ANKH: variants seen among roughly 807,000 people sequenced by gnomAD.
ANKH encodes the protein mineralization regulator ANKH.
In ANKH, 15 loss-of-function variants were observed where a neutral mutation model predicts 49.0. The observed-to-expected ratio is 0.31, with a 90% CI of 0.20 to 0.47. The LOEUF (loss-of-function observed/expected upper bound fraction) is 0.47. ANKH is among the 20% of genes least tolerant of loss of function. ANKH has a pLI of 1.00. For missense variants in ANKH, 429 were observed against 652.0 expected (o/e 0.66, Z 3.72); for synonymous variants, 273 against 260.0 (o/e 1.05, Z -0.48).
intron 1 of ANKH, chr5:14,868,439 AGGCT>A (rs1251208544): frequency 6.9e-6 from 1 of 145,482 alleles, no homozygotes; most frequent in Non-Finnish European, 1.5e-5. Context: ...TCTGTCGCCC[AGGCT>A]GGAGGGTGCA....
intron 2 of ANKH, 27 bp from the exon 3 acceptor site, chr5:14,758,625 G>C: frequency 1.4e-6 from 2 of 1,384,434 alleles, no homozygotes; most frequent in East Asian, 4.6e-5. Context: ...GGCATATGTG[G>C]AAATATTTAG....
intron 1 of ANKH, among the ~76,000 whole-genome samples, chr5:14,811,560 C>T (rs1257588340): frequency 6.6e-6 from 1 of 152,208 alleles, no homozygotes; most frequent in Non-Finnish European, 1.5e-5. Flanking sequence ...TCCCCAAGTA[C>T]AAACAACCTT....
rs1459117384 is a variant in ANKH at position 14,737,115 on chromosome 5, C to A, written c.1011+4712G>T. On this transcript the variant is annotated intron_variant, in intron 8 of 11. Transcript: ENST00000284268. The surrounding 1 kb of genome is among the most constrained non-coding windows in gnomAD (Gnocchi z 5.0). ...GACTTCAGAAACAGTTTTAAAAAGT[C>A]ATGTTTTGGGTAAATTGGCAAATTT... Among the ~76,000 whole-genome samples, 4 of 152,178 alleles carry A rather than the reference C, an allele frequency of 2.6e-5. No individual in the cohort carries two copies. Among genetic ancestry groups the A allele is most frequent in the African/African-American group, 9.7e-5 (4 of 41,444 alleles).
intron 1 of ANKH, among the ~76,000 whole-genome samples, chr5:14,849,687 C>T (rs997383209): frequency 1.3e-5 from 2 of 152,314 alleles, no homozygotes; most frequent in Admixed American, 6.5e-5. Context: ...AGTCTTCTCA[C>T]GAATGTTGCT....
chr5:14,763,007 C>T (rs1739140239), intron 2 of ANKH, among the ~76,000 whole-genome samples: 4 of 152,234 alleles, frequency 2.6e-5, no homozygotes, highest in Admixed American at 2.6e-4. Flanking sequence ...CCCTCCTAAA[C>T]AAGGGACACA....
Position 14,706,031 on chromosome 5 carries a change from A to G in ANKH, c.*5166T>C, listed in dbSNP as rs1736935267. ...TCCATGAGGTTGTACAGTGAGTGGT[A>G]CAACCATTTTTAGCTGGTCTGTCCC... On this transcript the variant is annotated 3_prime_UTR_variant, in exon 12 of 12. Coordinates refer to ENST00000284268, the MANE Select transcript of ANKH (RefSeq NM_054027.6). 6.6e-6 allele frequency: 1 copy of G among 152,196 alleles called. No homozygotes were observed. Among genetic ancestry groups the G allele is most frequent in the Admixed American group, 6.5e-5 (1 of 15,268 alleles). 9.4% of individuals were successfully genotyped at this position (152,196 alleles called of 1,614,324 possible).
At chr5:14,741,976 C>A in intron 7 of ANKH, 54 bp from the exon 8 acceptor site, 1 of 1,349,200 alleles carries the variant, frequency 7.4e-7, no homozygotes. Context: ...TTGGCTGAAC[C>A]CACCGGGGGA....
At chr5:14,858,500 A>G (rs1202852346) in intron 1 of ANKH, among the ~76,000 whole-genome samples, 12 of 152,132 alleles carry the variant, frequency 7.9e-5, no homozygotes, top group Non-Finnish European at 1.8e-4. Context: ...TGCGGATCAC[A>G]AGGTCAGGAG....
chr5:14,734,492 T>C (rs1241775908), intron 8 of ANKH, among the ~76,000 whole-genome samples: 2 of 152,228 alleles, frequency 1.3e-5, no homozygotes, highest in Non-Finnish European at 2.9e-5. Flanking sequence ...GAGTACTATG[T>C]CTTTTGTGGC....
At position 14,706,268 on chromosome 5, in the gene ANKH, G is replaced by A. The variant is rs1736943448; in HGVS notation, c.*4929C>T. ...GTAGCTGACAGCCACCTATAAAAGT[G>A]CATATATCTTATGCAGTCTTTTAGA... On this transcript the variant is annotated 3_prime_UTR_variant, in exon 12 of 12. Transcript: ENST00000284268. The A allele has an allele frequency of 6.6e-6, 1 of 152,138 alleles. No individual in the cohort carries two copies. Among genetic ancestry groups the A allele is most frequent in the Admixed American group, 6.5e-5 (1 of 15,282 alleles). The allele number at this position is 152,138 out of a possible 1,614,324, so 9.4% of individuals were successfully genotyped here.
intron 8 of ANKH, among the ~76,000 whole-genome samples, chr5:14,733,489 C>T (rs1034051256): frequency 2.6e-5 from 4 of 152,220 alleles, no homozygotes; most frequent in Admixed American, 2.6e-4. Flanking sequence ...AGTGAAGTCT[C>T]TCCTGTGCCC....
At chr5:14,750,385 C>G (rs1738672240) in intron 5 of ANKH, among the ~76,000 whole-genome samples, 1 of 152,190 alleles carries the variant, frequency 6.6e-6, no homozygotes, top group Admixed American at 6.5e-5. Context: ...TTTCAGGGCA[C>G]AGCAAGATCT....
In ANKH at chr5:14,716,699, T is replaced by C; in HGVS notation, c.1141+7A>G. ...AGGAATGCTTCCTTCATTCTGTTTTTCTTTACCTGGAACTGGGAAGAAGGA... is the reference window on the plus strand; with the variant it reads ...AGGAATGCTTCCTTCATTCTGTTTTCCTTTACCTGGAACTGGGAAGAAGGA... On this transcript the variant is annotated splice_region_variant and intron_variant, in intron 9 of 11. Transcript: ENST00000284268. 7 of 1,614,002 alleles carry C rather than the reference T, an allele frequency of 4.3e-6. No individual in the cohort carries two copies. Among genetic ancestry groups the C allele is most frequent in the Non-Finnish European group, 5.9e-6 (7 of 1,179,880 alleles).
chr5:14,812,920 T>C (rs955666830), intron 1 of ANKH, among the ~76,000 whole-genome samples: 2 of 152,132 alleles, frequency 1.3e-5, no homozygotes, highest in Non-Finnish European at 2.9e-5. Context: ...CCTACAGTAA[T>C]AAAATAAGCA....
chr5:14,793,039 T>TATATATATATAAATATATATATAAAA (rs1561057876), intron 1 of ANKH, among the ~76,000 whole-genome samples: 7 of 52,606 alleles, frequency 1.3e-4, no homozygotes, highest in African/African-American at 3.1e-4. Context: ...TATATAAAAA[T>TATATATATATAAATATATATATAAAA]ATATATATAA....
intron 1 of ANKH, among the ~76,000 whole-genome samples, chr5:14,834,203 C>T (rs563931424): frequency 1.4e-4 from 21 of 151,106 alleles, no homozygotes; most frequent in African/African-American, 5.1e-4. Flanking sequence ...CTGTCTGACC[C>T]TAGACAAGTG....
chr5:14,860,117 G>T (rs1302981530), intron 1 of ANKH, among the ~76,000 whole-genome samples: 1 of 152,218 alleles, frequency 6.6e-6, no homozygotes, highest in Non-Finnish European at 1.5e-5. Flanking sequence ...TACAAATGAG[G>T]TACAACCAGC....
At chr5:14,749,993 T>C (rs1738660695) in intron 5 of ANKH, among the ~76,000 whole-genome samples, 1 of 152,276 alleles carries the variant, frequency 6.6e-6, no homozygotes, top group Admixed American at 6.5e-5. Flanking sequence ...GGTCACTTTA[T>C]TTCCATTTGC....
At chr5:14,751,302 C>A in intron 4 of ANKH, 63 bp from the exon 5 acceptor site, 2 of 1,533,574 alleles carry the variant, frequency 1.3e-6, no homozygotes, top group Non-Finnish European at 1.8e-6. Context: ...GACAGAAGCA[C>A]AGGGGCACGC....
Sources: gnomAD v4.1 joint callset for allele counts (sites outside exome capture counted in the v4.1 genomes callset) on GRCh38, gnomAD v4.1.1 for gene constraint, Gnocchi (gnomAD v3.1) non-coding constraint, MANE v1.5 for transcripts, NCBI Gene and HGNC (gene_info 2026-07-23, HGNC 2026-07-21) for gene names.